Variants in NRG3 observed in about 807,000 individuals in gnomAD.
NRG3 encodes neuregulin 3, also known as pro-neuregulin-3, membrane-bound isoform.
A neutral mutation model predicts 66.9 loss-of-function variants in NRG3; 31 were observed. That is an observed-to-expected ratio of 0.46 (90% CI 0.35 to 0.63). The LOEUF (loss-of-function observed/expected upper bound fraction) is 0.63. Ranked by LOEUF, NRG3 falls within the 20% of genes least tolerant of loss-of-function variation. The pLI, the probability that NRG3 is intolerant of heterozygous loss-of-function variation, is 0.00. For missense variants in NRG3, 910 were observed against 878.9 expected, an observed-to-expected ratio of 1.04 and a Z score of -0.45; for synonymous variants, 393 against 359.4, an observed-to-expected ratio of 1.09 and a Z score of -1.06.
At chr10:82,918,645 G>A (rs571431579) in intron 4 of NRG3, among the ~76,000 whole-genome samples, 2 of 152,106 alleles carry the variant, frequency 1.3e-5, no homozygotes, top group Non-Finnish European at 2.9e-5. Context: ...TCAGCTAACC[G>A]TTAAAGATGC....
intron 2 of NRG3, among the ~76,000 whole-genome samples, chr10:82,589,687 T>A (rs554884672): frequency 6.6e-6 from 1 of 152,264 alleles, no homozygotes; most frequent in African/African-American, 2.4e-5. Flanking sequence ...AATGCATAGT[T>A]CCACAAGCTT....
At chr10:82,738,748 G>C in intron 3 of NRG3, 98 bp downstream of exon 3, 1 of 1,074,428 alleles carries the variant, frequency 9.3e-7, no homozygotes, top group South Asian at 1.3e-5. Flanking sequence ...TTTCAGTCTT[G>C]TGTCTCTGAA....
chr10:82,224,953 T>A (rs1254106253), intron 1 of NRG3, among the ~76,000 whole-genome samples: 1 of 151,972 alleles, frequency 6.6e-6, no homozygotes. Flanking sequence ...CCATTGCTGC[T>A]ACAATTATTT....
intron 2 of NRG3, among the ~76,000 whole-genome samples, chr10:82,388,468 T>G (rs1459037427): frequency 6.6e-6 from 1 of 152,142 alleles, no homozygotes; most frequent in Admixed American, 6.6e-5. Flanking sequence ...AGACAGGTAA[T>G]TTGCTATAGA....
rs769558165 is a variant in NRG3 at position 82,118,937 on chromosome 10, A to G, written c.824-239802A>G. 4.6e-5 allele frequency among the ~76,000 whole-genome samples: 7 copies of G among 152,134 alleles called. No homozygotes were observed. In the East Asian group the frequency reaches 1.2e-3, roughly 25 times the overall value. ...TGGCCTGTCCGCAGAACATTTACAGACACAGTCTGGCCTCTAGGCAAAGTT... is the reference window on the plus strand; with the variant it reads ...TGGCCTGTCCGCAGAACATTTACAGGCACAGTCTGGCCTCTAGGCAAAGTT... On this transcript the variant is annotated intron_variant, in intron 1 of 8. Transcript: ENST00000372141.
intron 3 of NRG3, among the ~76,000 whole-genome samples, chr10:82,828,835 C>T (rs908540643): frequency 5.9e-5 from 9 of 152,114 alleles, no homozygotes; most frequent in African/African-American, 2.2e-4. Flanking sequence ...CCAGCTTCTT[C>T]CGCCTTCCCT....
rs899189854 is a variant in NRG3, at chr10:82,164,429, T to C, written c.824-194310T>C. 2.0e-5 allele frequency among the ~76,000 whole-genome samples: 3 copies of C among 152,298 alleles called. No individual in the cohort carries two copies. The South Asian group carries it at 6.2e-4, about 32-fold the overall frequency. ...ATTGTTGCTAACTCTAGTCACCTTA[T>C]TCTGCTATGTAACATTAGAACTCCT... On this transcript the variant is annotated intron_variant, in intron 1 of 8. Transcript: ENST00000372141.
chr10:82,496,922 A>T (rs940079802), intron 2 of NRG3, among the ~76,000 whole-genome samples: 6 of 152,182 alleles, frequency 3.9e-5, no homozygotes, highest in African/African-American at 1.4e-4. Context: ...GAATACATTG[A>T]TTTTCATATT....
intron 2 of NRG3, among the ~76,000 whole-genome samples, chr10:82,601,456 T>A (rs1411797267): frequency 6.6e-6 from 1 of 152,342 alleles, no homozygotes; most frequent in South Asian, 2.1e-4. Context: ...TTTGGTTAGA[T>A]TTTTCTTTTC....
intron 4 of NRG3, among the ~76,000 whole-genome samples, chr10:82,915,996 C>A (rs893005633): frequency 6.6e-6 from 1 of 152,018 alleles, no homozygotes; most frequent in African/African-American, 2.4e-5. Flanking sequence ...ATCTCAGTAG[C>A]CTTTTTTATT....
intron 2 of NRG3, among the ~76,000 whole-genome samples, chr10:82,521,604 T>C (rs910520730): frequency 2.6e-5 from 4 of 152,140 alleles, no homozygotes; most frequent in Admixed American, 6.5e-5. Context: ...CCTCCCAAAG[T>C]GCTGGGATTA....
At chr10:82,646,376 A>T (rs1038319942) in intron 2 of NRG3, among the ~76,000 whole-genome samples, 1 of 152,114 alleles carries the variant, frequency 6.6e-6, no homozygotes, top group Non-Finnish European at 1.5e-5. Flanking sequence ...GGATGGGGAG[A>T]CTTCTCAACC....
chr10:81,931,514 C>T (rs1237916473), intron 1 of NRG3, among the ~76,000 whole-genome samples: 1 of 152,190 alleles, frequency 6.6e-6, no homozygotes, highest in Admixed American at 6.5e-5. Flanking sequence ...CCCTGGTCCA[C>T]CATTTTGGGT....
chr10:82,016,130 T>C (rs1012746796), intron 1 of NRG3, among the ~76,000 whole-genome samples: 3 of 151,856 alleles, frequency 2.0e-5, no homozygotes, highest in Non-Finnish European at 4.4e-5. Context: ...ACTCAGTGTA[T>C]AAAATATGTG....
intron 3 of NRG3, among the ~76,000 whole-genome samples, chr10:82,749,668 A>G (rs995800982): frequency 2.6e-5 from 4 of 151,928 alleles, no homozygotes; most frequent in East Asian, 1.9e-4. Flanking sequence ...TCCACATCCC[A>G]TATTCATAAT....
chr10:82,248,950 C>T (rs1489081267), intron 1 of NRG3, among the ~76,000 whole-genome samples: 2 of 152,126 alleles, frequency 1.3e-5, no homozygotes, highest in Non-Finnish European at 2.9e-5. Flanking sequence ...CCCCACCGTG[C>T]TTTCCTTACT....
intron 1 of NRG3, among the ~76,000 whole-genome samples, chr10:82,154,664 G>A (rs2071051001): frequency 6.6e-6 from 1 of 151,584 alleles, no homozygotes; most frequent in South Asian, 2.1e-4. Context: ...TGGGTAGTTT[G>A]GACATGTAAA....
intron 1 of NRG3, among the ~76,000 whole-genome samples, chr10:81,984,080 G>A (rs2060433884): frequency 1.3e-5 from 2 of 152,128 alleles, no homozygotes; most frequent in Non-Finnish European, 2.9e-5. Flanking sequence ...AAGGAATATA[G>A]GCAGCCACTA....
intron 1 of NRG3, among the ~76,000 whole-genome samples, chr10:82,191,495 A>G (rs1383903535): frequency 6.6e-6 from 1 of 152,072 alleles, no homozygotes; most frequent in African/African-American, 2.4e-5. Context: ...ATTGACAGCT[A>G]CCCCAATCCC....
Sources: gnomAD v4.1 joint callset for allele counts (sites outside exome capture counted in the v4.1 genomes callset) on GRCh38, gnomAD v4.1.1 for gene constraint, MANE v1.5 for transcripts, NCBI Gene and HGNC (gene_info 2026-07-23, HGNC 2026-07-21) for gene names.